RBFOX1: variants seen among roughly 807,000 people sequenced by gnomAD.
RBFOX1 encodes the protein RNA binding protein fox-1 homolog 1.
RBFOX1 carries 8 observed loss-of-function variants against 57.7 expected under a neutral mutation model. The observed-to-expected ratio is 0.14, with a 90% CI of 0.08 to 0.25. The LOEUF (loss-of-function observed/expected upper bound fraction) is 0.25. Among genes scored for constraint, RBFOX1 ranks in the 10% least tolerant of loss-of-function variants. The pLI, the probability that RBFOX1 is intolerant of heterozygous loss-of-function variation, is 1.00. For synonymous variants in RBFOX1, 326 were observed against 222.4 expected, an observed-to-expected ratio of 1.47 and a Z score of -4.15; for missense variants, 611 against 548.5, an observed-to-expected ratio of 1.11 and a Z score of -1.14.
At chr16:6,009,816 C>CTCTGTGTGTGTGTGTGTGTGTGTGTG (rs1555469438) in intron 4 of RBFOX1, among the ~76,000 whole-genome samples, 201 of 148,524 alleles carry the variant, frequency 1.4e-3, no homozygotes, top group South Asian at 6.5e-3. Context: ...GTGTGTGTGT[C>CTCTGTGTGTGTGTGTGTGTGTGTGTG]TGTGTGTGTG....
chr16:7,393,629 A>T (rs974465182), intron 4 of RBFOX1, among the ~76,000 whole-genome samples: 17 of 152,090 alleles, frequency 1.1e-4, no homozygotes, highest in African/African-American at 3.9e-4. Context: ...TCAGGGGGAA[A>T]CATAGCCTCA....
At chr16:6,443,786 C>T (rs2094433632) in intron 2 of RBFOX1, among the ~76,000 whole-genome samples, 2 of 152,154 alleles carry the variant, frequency 1.3e-5, no homozygotes, top group Non-Finnish European at 2.9e-5. Flanking sequence ...CACAATCTAC[C>T]TGCCAGCCTA....
At chr16:7,649,665 A>G (rs2064534924) in intron 11 of RBFOX1, among the ~76,000 whole-genome samples, 1 of 152,174 alleles carries the variant, frequency 6.6e-6, no homozygotes, top group African/African-American at 2.4e-5. Context: ...GAAGACAAAC[A>G]TTGGTTAACC....
intron 1 of RBFOX1, among the ~76,000 whole-genome samples, chr16:6,296,999 C>G (rs1286025184): frequency 6.6e-6 from 1 of 152,172 alleles, no homozygotes; most frequent in Non-Finnish European, 1.5e-5. Flanking sequence ...ATGGTTACTT[C>G]TTGATGATAT....
chr16:7,353,257 A>G (rs1308490381), intron 4 of RBFOX1, among the ~76,000 whole-genome samples: 2 of 152,204 alleles, frequency 1.3e-5, no homozygotes, highest in Non-Finnish European at 2.9e-5. Context: ...GGTACCTATT[A>G]CAAATGCATT....
At chr16:7,596,136 CAAAA>C (rs1220643324) in intron 8 of RBFOX1, among the ~76,000 whole-genome samples, 2 of 3,610 alleles carry the variant, frequency 5.5e-4, no homozygotes, top group Non-Finnish European at 2.9e-3. Context: ...GAAAAAAAAA[CAAAA>C]AAAAAAACGA....
At chr16:6,494,918 A>G (rs567113610) in intron 2 of RBFOX1, among the ~76,000 whole-genome samples, 54 of 152,290 alleles carry the variant, frequency 3.5e-4, no homozygotes, top group African/African-American at 1.3e-3. Context: ...TAAGCCTGTT[A>G]TGTATGCTAA....
chr16:5,837,698 C>G (rs917219322), intron 3 of RBFOX1, among the ~76,000 whole-genome samples: 3 of 151,714 alleles, frequency 2.0e-5, no homozygotes, highest in Non-Finnish European at 4.4e-5. Context: ...ATCCCCATTC[C>G]TGTTTTACCT....
chr16:5,983,878 CCTT>C (rs528829742), intron 4 of RBFOX1, among the ~76,000 whole-genome samples: 232 of 147,448 alleles, frequency 1.6e-3, no homozygotes, highest in Non-Finnish European at 3.0e-3. Flanking sequence ...TCCTCCTCCT[CCTT>C]CCCTACCCCT....
chr16:7,225,196 G>A (rs866538985), intron 4 of RBFOX1, among the ~76,000 whole-genome samples: 1 of 152,078 alleles, frequency 6.6e-6, no homozygotes, highest in African/African-American at 2.4e-5. Context: ...GTTTGTAAGT[G>A]CACGTGATCT....
chr16:6,948,584 G>T (rs2080049844), intron 3 of RBFOX1, among the ~76,000 whole-genome samples: 1 of 151,698 alleles, frequency 6.6e-6, no homozygotes, highest in Admixed American at 6.6e-5. Flanking sequence ...GTTTCACCAT[G>T]TTGGCCAGAC....
At chr16:5,530,769 A>G (rs911496575) in intron 2 of RBFOX1, among the ~76,000 whole-genome samples, 1 of 151,922 alleles carries the variant, frequency 6.6e-6, no homozygotes, top group African/African-American at 2.4e-5. Flanking sequence ...GTTGAGAAGC[A>G]CTGCTCTAGG....
At chr16:6,906,420 T>A (rs549274123) in intron 3 of RBFOX1, among the ~76,000 whole-genome samples, 5 of 152,156 alleles carry the variant, frequency 3.3e-5, no homozygotes, top group African/African-American at 1.2e-4. Context: ...AAGAAAATTA[T>A]GGGAAAATAG....
At chr16:5,808,705 A>G (rs1220215974) in intron 3 of RBFOX1, among the ~76,000 whole-genome samples, 1 of 152,054 alleles carries the variant, frequency 6.6e-6, no homozygotes, top group Non-Finnish European at 1.5e-5. Context: ...TTCACTCATG[A>G]TTTGGCTCTC....
chr16:7,173,291 G>C (rs559224635), intron 4 of RBFOX1, among the ~76,000 whole-genome samples: 2 of 152,174 alleles, frequency 1.3e-5, no homozygotes, highest in Admixed American at 6.5e-5. Context: ...CGTGCATTTA[G>C]AAACCATAAT....
At chr16:6,255,740 C>T (rs982258745) in intron 1 of RBFOX1, among the ~76,000 whole-genome samples, 8 of 151,952 alleles carry the variant, frequency 5.3e-5, no homozygotes, top group Admixed American at 3.3e-4. Context: ...ATGTCCTTTG[C>T]AGGGACATGG....
chr16:7,370,754 G>A (rs938941419), intron 4 of RBFOX1, among the ~76,000 whole-genome samples: 2 of 152,240 alleles, frequency 1.3e-5, no homozygotes, highest in Non-Finnish European at 2.9e-5. Context: ...GTTTTGGAAT[G>A]TGAGTGCTTT....
rs79873486 is a variant in RBFOX1, at chr16:5,491,833, C to T, written c.258+24579C>T. Among the ~76,000 whole-genome samples, 1,146 of 152,260 alleles carry T rather than the reference C, an allele frequency of 7.5e-3. 9 individuals carry two copies. The highest frequency in any genetic ancestry group is 0.026 in the African/African-American group (1,086 of 41,538). On this transcript the variant is annotated intron_variant, in intron 2 of 2. Transcript: ENST00000585867. ...AGCCTAGCTGCACATTAGAATTACCCAGGGAGCTTTAAAGAACAAAACAAC... is the reference window on the plus strand; with the variant it reads ...AGCCTAGCTGCACATTAGAATTACCTAGGGAGCTTTAAAGAACAAAACAAC...
intron 2 of RBFOX1, among the ~76,000 whole-genome samples, chr16:5,477,116 C>T (rs1423053435): frequency 2.6e-5 from 4 of 152,174 alleles, no homozygotes; most frequent in African/African-American, 4.8e-5. Flanking sequence ...TGGGCTCAGG[C>T]GATACCTCCC....
Sources: allele counts gnomAD v4.1 joint callset (sites outside exome capture counted in the v4.1 genomes callset), GRCh38; gene constraint gnomAD v4.1.1; transcripts MANE v1.5; gene names NCBI Gene and HGNC (gene_info 2026-07-23, HGNC 2026-07-21).